ZKSCAN5: variants seen among roughly 807,000 people sequenced by gnomAD.
The protein encoded by ZKSCAN5 is zinc finger with KRAB and SCAN domains 5, also known as zinc finger protein with KRAB and SCAN domains 5.
ZKSCAN5 carries 28 observed loss-of-function variants against 60.0 expected under a neutral mutation model. The observed-to-expected ratio is 0.47, with a 90% confidence interval of 0.35 to 0.64. The LOEUF (loss-of-function observed/expected upper bound fraction) is 0.64. ZKSCAN5 is among the 30% of genes least tolerant of loss of function. ZKSCAN5 has a pLI of 0.01. For synonymous variants in ZKSCAN5, 361 were observed against 371.2 expected (o/e 0.97, Z 0.31); for missense variants, 881 against 1,034.6 (o/e 0.85, Z 2.04).
chr7:99,532,005 A>T lies in ZKSCAN5; in HGVS notation c.2276A>T (p.His759Leu). ...ICRENVGQCS[H>L]TKQHQKIYSS... ...AGAGAAAATGTTGGCCAGTGTTCCC[A>T]CACCAAACAACATCAAAAAATCTAC... Residue 759 changes from histidine (H) to leucine (L), a missense_variant, in exon 7 of 7, where the codon CAC becomes CTC. Coordinates refer to ENST00000326775, the MANE Select transcript of ZKSCAN5 (RefSeq NM_145102.4). The T allele has an allele frequency of 1.9e-6, 3 of 1,614,220 alleles. No individual in the cohort carries two copies. The South Asian group carries it at 3.3e-5, about 18-fold the overall frequency.
chr7:99,517,384 C>G (rs1801311798), intron 3 of ZKSCAN5, among the ~76,000 whole-genome samples: 1 of 148,456 alleles, frequency 6.7e-6, no homozygotes, highest in South Asian at 2.4e-4. Context: ...TTTTAAGAAA[C>G]TTTACAAATT....
chr7:99,507,384 A>G (rs1048996843), intron 2 of ZKSCAN5, among the ~76,000 whole-genome samples: 3 of 152,018 alleles, frequency 2.0e-5, no homozygotes, highest in African/African-American at 7.2e-5. Context: ...TGCAATGACT[A>G]TCTCACATAT....
chr7:99,516,466 C>T (rs1167370927), intron 3 of ZKSCAN5, among the ~76,000 whole-genome samples: 2 of 152,094 alleles, frequency 1.3e-5, no homozygotes, highest in Non-Finnish European at 2.9e-5. Flanking sequence ...TGTCATTGCT[C>T]CTTATTTCCT....
At chr7:99,519,608 G>A (rs1444224240) in intron 3 of ZKSCAN5, among the ~76,000 whole-genome samples, 1 of 152,116 alleles carries the variant, frequency 6.6e-6, no homozygotes, top group Admixed American at 6.6e-5. Context: ...GGAAAGGCAA[G>A]CAGGGATTAG....
At chr7:99,509,336 A>T (rs1472882362) in intron 2 of ZKSCAN5, among the ~76,000 whole-genome samples, 2 of 151,792 alleles carry the variant, frequency 1.3e-5, no homozygotes, top group African/African-American at 4.8e-5. Flanking sequence ...GTTGGCCAGG[A>T]TGTTCTCAAA....
chr7:99,530,470 G>C (rs1801992965), intron 6 of ZKSCAN5, among the ~76,000 whole-genome samples: 2 of 151,994 alleles, frequency 1.3e-5, no homozygotes, highest in Admixed American at 6.6e-5. Flanking sequence ...ATATTATTTT[G>C]AGAACTGTCT....
At chr7:99,530,528 C>CT (rs1801995924) in intron 6 of ZKSCAN5, among the ~76,000 whole-genome samples, 1 of 151,598 alleles carries the variant, frequency 6.6e-6, no homozygotes, top group South Asian at 2.1e-4. Context: ...TTCTTGTTGA[C>CT]TTGTTAGAGT....
intron 2 of ZKSCAN5, among the ~76,000 whole-genome samples, chr7:99,510,355 T>C (rs1160540820): frequency 1.3e-5 from 2 of 152,162 alleles, no homozygotes; most frequent in East Asian, 3.8e-4. Context: ...TGCGTCAGTC[T>C]CCTGAAGGTT....
rs536984886 is a variant in ZKSCAN5, at chr7:99,519,273, A to AT, written c.554-534dup. Among the ~76,000 whole-genome samples the AT allele has an allele frequency of 7.3e-3, 823 of 112,668 alleles. 11 individuals are homozygous for AT. Among genetic ancestry groups the AT allele is most frequent in the African/African-American group, 0.024 (712 of 29,236 alleles). The allele number at this position is 112,668 out of a possible 152,430, so 73.9% of individuals were successfully genotyped here. On this transcript the variant is annotated intron_variant, in intron 3 of 6. Transcript: ENST00000326775. ...ACAGGCGTGAGCCACCACGCCCAGT[A>AT]TTTTTTTTTTTTTTTTTTTTCTGAG...
intron 2 of ZKSCAN5, among the ~76,000 whole-genome samples, chr7:99,510,109 A>G (rs764274897): frequency 6.6e-6 from 1 of 151,798 alleles, no homozygotes; most frequent in Admixed American, 6.6e-5. Context: ...TTAAACAAAA[A>G]TTTTTTTGTA....
chr7:99,521,757 T>C (rs1317924166), intron 5 of ZKSCAN5, among the ~76,000 whole-genome samples: 6 of 152,198 alleles, frequency 3.9e-5, no homozygotes, highest in East Asian at 3.9e-4. Context: ...AAATCAAATT[T>C]ATGCTTTAAA....
chr7:99,530,812 T>G (rs1584207173), intron 6 of ZKSCAN5, among the ~76,000 whole-genome samples: 1 of 152,322 alleles, frequency 6.6e-6, no homozygotes, highest in East Asian at 1.9e-4. Flanking sequence ...ATCCCAGCAC[T>G]TTGGGAGGCT....
At chr7:99,527,128 A>G (rs1801827073) in intron 6 of ZKSCAN5, among the ~76,000 whole-genome samples, 1 of 152,122 alleles carries the variant, frequency 6.6e-6, no homozygotes, top group Non-Finnish European at 1.5e-5. Context: ...CCAGGCATTC[A>G]AGACCACCCT....
intron 3 of ZKSCAN5, among the ~76,000 whole-genome samples, chr7:99,517,792 A>G (rs1339924313): frequency 1.3e-5 from 2 of 151,126 alleles, no homozygotes; most frequent in Admixed American, 6.6e-5. Context: ...GGTTGCAGTG[A>G]GCTGAGATTG....
At chr7:99,519,273 A>ATTTTTTTTTTTTTTTTTTTTT (rs536984886) in intron 3 of ZKSCAN5, among the ~76,000 whole-genome samples, 1 of 112,666 alleles carries the variant, frequency 8.9e-6, no homozygotes, top group African/African-American at 3.4e-5. Context: ...CACGCCCAGT[A>ATTTTTTTTTTTTTTTTTTTTT]TTTTTTTTTT....
intron 3 of ZKSCAN5, 91 bp from the exon 4 acceptor site, chr7:99,519,736 C>T (rs775138398): frequency 1.9e-5 from 24 of 1,276,194 alleles, no homozygotes; most frequent in Non-Finnish European, 2.7e-5. Context: ...CAGTAGGGGC[C>T]ATTATGGATT....
Position 99,532,241 on chromosome 7 carries a change from C to A in ZKSCAN5, c.2512C>A (p.Leu838Met). The A allele has an allele frequency of 6.4e-7, 1 of 1,573,408 alleles. No homozygotes were observed. The change falls in exon 7 of 7, where the codon CTG (leucine) becomes ATG (methionine). Residue 838 changes from leucine (L) to methionine (M), a missense_variant. By Grantham distance (15) the Leu-to-Met change is conservative. Around this residue, in one of 5 missense-constraint regions of ZKSCAN5, gnomAD observed 138 missense variants for 143.8 expected, o/e 0.96. Transcript: ENST00000326775. ...AAATACCTTAAGTGTAGAGGGGTCT[C>A]TGTTGTAGAATAGCTCTTAATTTTA... ...PINTLSVEGS[L>M]L
chr7:99,516,680 C>G (rs546195117), intron 3 of ZKSCAN5, among the ~76,000 whole-genome samples: 2 of 152,210 alleles, frequency 1.3e-5, no homozygotes, highest in Admixed American at 6.6e-5. Flanking sequence ...CAGGTGGTCC[C>G]TAGCTTCCAG....
chr7:99,511,361 G>A (rs1801016127), intron 2 of ZKSCAN5, among the ~76,000 whole-genome samples: 1 of 152,170 alleles, frequency 6.6e-6, no homozygotes, highest in African/African-American at 2.4e-5. Context: ...TCTCACCTCT[G>A]TTTCCTCTTC....
Sources: gnomAD v4.1 joint callset for allele counts (sites outside exome capture counted in the v4.1 genomes callset) on GRCh38, gnomAD v4.1.1 for gene constraint, gnomAD v4.1.1 regional missense constraint, MANE v1.5 for transcripts, NCBI Gene and HGNC (gene_info 2026-07-23, HGNC 2026-07-21) for gene names.